The following TLK1 variants were observed in gnomAD, a reference collection of about 807,000 sequenced individuals.
TLK1 encodes the protein tousled like kinase 1, also known as serine/threonine-protein kinase tousled-like 1.
TLK1 carries 24 observed loss-of-function variants against 105.3 expected under a neutral mutation model. The observed-to-expected ratio is 0.23, with a 90% confidence interval of 0.17 to 0.32. The LOEUF (loss-of-function observed/expected upper bound fraction) is 0.32. Among genes scored for constraint, TLK1 ranks in the 10% least tolerant of loss-of-function variants. The probability of loss-of-function intolerance (pLI) is 1.00; values close to 1 mark genes in which losing one functional copy is unlikely to be tolerated. For synonymous variants in TLK1, 321 were observed against 310.4 expected (o/e 1.03, Z -0.36); for missense variants, 558 against 910.5 (o/e 0.61, Z 4.98).
chr2:171,211,711 G>A (rs985415777), intron 1 of TLK1, among the ~76,000 whole-genome samples: 3 of 151,958 alleles, frequency 2.0e-5, no homozygotes, highest in African/African-American at 4.8e-5. Flanking sequence ...CACCACGCCA[G>A]GCTAATTTTT....
chr2:171,198,178 A>C (rs904076311), intron 1 of TLK1, among the ~76,000 whole-genome samples: 2 of 152,240 alleles, frequency 1.3e-5, no homozygotes, highest in Non-Finnish European at 2.9e-5. Context: ...AGAGGTAAGC[A>C]AGAACAGAGA....
At chr2:171,109,139 C>G (rs73029245) in intron 2 of TLK1, among the ~76,000 whole-genome samples, 2,275 of 152,090 alleles carry the variant, frequency 0.015, 52 homozygotes, top group African/African-American at 0.051. Context: ...AAAAGATACG[C>G]CAAGTTGACA....
intron 11 of TLK1, among the ~76,000 whole-genome samples, chr2:171,039,644 AAC>A (rs1184616575): frequency 6.6e-6 from 1 of 152,126 alleles, no homozygotes; most frequent in Non-Finnish European, 1.5e-5. Context: ...CTGTTTTTGA[AAC>A]ACTCTTAGTT....
chr2:171,101,161 C>T (rs1452484674), intron 2 of TLK1, among the ~76,000 whole-genome samples: 21 of 151,992 alleles, frequency 1.4e-4, no homozygotes, highest in Admixed American at 1.4e-3. Context: ...GCCTGACCAA[C>T]ATGGTGAGAC....
chr2:171,194,592 C>T (rs142304485), intron 1 of TLK1, among the ~76,000 whole-genome samples: 5,633 of 152,048 alleles, frequency 0.037, 412 homozygotes, highest in East Asian at 0.29. Context: ...CCGAGGCGGG[C>T]GGATCACGAG....
At chr2:171,177,202 C>T (rs1351174033) in intron 1 of TLK1, among the ~76,000 whole-genome samples, 1 of 152,042 alleles carries the variant, frequency 6.6e-6, no homozygotes. Flanking sequence ...AGTGCCGTGG[C>T]CCGATCACAG....
At chr2:171,143,210 C>G (rs1691655334) in intron 1 of TLK1, among the ~76,000 whole-genome samples, 1 of 151,998 alleles carries the variant, frequency 6.6e-6, no homozygotes, top group Non-Finnish European at 1.5e-5. Context: ...AAGGTTAGTA[C>G]AAAAACTATA....
chr2:170,991,002 G>GT lies in TLK1; in HGVS notation c.*2777dup, dbSNP rs201524632. 5 of 121,096 alleles carry GT rather than the reference G, an allele frequency of 4.1e-5. No individual in the cohort carries two copies. The highest frequency in any genetic ancestry group is 1.2e-4 in the African/African-American group (4 of 33,208). The allele number at this position is 121,096 out of a possible 1,614,324, so 7.5% of individuals were successfully genotyped here. A position where few individuals can be genotyped will look rare whatever the true frequency, so the allele number is the denominator to read the frequency against. On this transcript the variant is annotated 3_prime_UTR_variant, in exon 21 of 21. Coordinates refer to ENST00000431350, the MANE Select transcript of TLK1 (RefSeq NM_012290.5). ...GTTTTAGAAGGAGATGGTAGTGAGT[G>GT]TTTAAAAAAAAAAAAAAGATTGAGT...
At chr2:171,168,799 C>T (rs1269739517) in intron 1 of TLK1, among the ~76,000 whole-genome samples, 1 of 151,846 alleles carries the variant, frequency 6.6e-6, no homozygotes, top group Non-Finnish European at 1.5e-5. Flanking sequence ...GAAGTGTGTG[C>T]TCAGGGTGCA....
intron 1 of TLK1, among the ~76,000 whole-genome samples, chr2:171,169,267 G>C (rs1019730744): frequency 4.6e-5 from 7 of 151,966 alleles, no homozygotes; most frequent in African/African-American, 1.2e-4. Flanking sequence ...TAAGCATATG[G>C]TAATAAATTA....
chr2:171,102,470 C>T (rs1025242), intron 2 of TLK1, among the ~76,000 whole-genome samples: 32,522 of 152,046 alleles, frequency 0.21, 3,945 homozygotes, highest in Non-Finnish European at 0.28. Flanking sequence ...CAGTTTATAA[C>T]ATTTACCCTT....
intron 10 of TLK1, among the ~76,000 whole-genome samples, chr2:171,049,026 A>G (rs745550471): frequency 3.9e-5 from 6 of 152,236 alleles, no homozygotes; most frequent in Non-Finnish European, 8.8e-5. Context: ...TCTGAAAAGT[A>G]ACAGAAAACC....
intron 1 of TLK1, among the ~76,000 whole-genome samples, chr2:171,206,396 T>C (rs1381454229): frequency 1.3e-5 from 2 of 152,098 alleles, no homozygotes; most frequent in Non-Finnish European, 2.9e-5. Context: ...CCCTACCAAC[T>C]TTAGGATGGA....
rs774880377 is a variant in TLK1 at position 171,014,880 on chromosome 2, C to T, written c.1305G>A (p.Leu435=). The T allele has an allele frequency of 4.3e-6, 7 of 1,613,342 alleles. No individual in the cohort carries two copies. The Admixed American group carries it at 1.2e-4, about 27-fold the overall frequency. ...ERVRNLHIRE[L]KRINNEDNSQ... ...AATTATCTTCATTGTTTATTCTTTT[C>T]AGCTCACGTATGTGAAGATTTCTGA... Residue 435 remains leucine, a synonymous_variant, in exon 13 of 21, where the codon CTG becomes CTA. Transcript: ENST00000431350.
chr2:171,048,530 A>G (rs1687067633), intron 10 of TLK1, among the ~76,000 whole-genome samples: 1 of 152,216 alleles, frequency 6.6e-6, no homozygotes, highest in Admixed American at 6.5e-5. Context: ...TTTTCACATT[A>G]CCATCAGTTA....
At chr2:171,071,310 T>C (rs1688243902) in intron 3 of TLK1, among the ~76,000 whole-genome samples, 1 of 151,814 alleles carries the variant, frequency 6.6e-6, no homozygotes, top group Admixed American at 6.6e-5. Flanking sequence ...TTTTTTGACA[T>C]GGAGTCTCGC....
chr2:171,082,106 G>T (rs1473709368), intron 3 of TLK1, among the ~76,000 whole-genome samples: 1 of 151,778 alleles, frequency 6.6e-6, no homozygotes, highest in Non-Finnish European at 1.5e-5. Flanking sequence ...ATACCCACAA[G>T]AGTCAAGCTG....
chr2:171,089,178 T>A (rs1050205286), intron 2 of TLK1, among the ~76,000 whole-genome samples: 9 of 152,236 alleles, frequency 5.9e-5, no homozygotes, highest in African/African-American at 2.2e-4. Flanking sequence ...ATTATGAACA[T>A]GAATTGTGTG....
At chr2:171,073,766 A>T (rs995448268) in intron 3 of TLK1, among the ~76,000 whole-genome samples, 3 of 147,224 alleles carry the variant, frequency 2.0e-5, no homozygotes, top group South Asian at 2.1e-4. Context: ...TTTTCTCTTT[A>T]AAAAAAAAAA....
Sources: gnomAD v4.1 joint callset for allele counts (sites outside exome capture counted in the v4.1 genomes callset) on GRCh38, gnomAD v4.1.1 for gene constraint, MANE v1.5 for transcripts, NCBI Gene and HGNC (gene_info 2026-07-23, HGNC 2026-07-21) for gene names.